Variants in SPAG16 observed in about 807,000 individuals in gnomAD.
SPAG16 encodes the protein sperm-associated antigen 16 protein.
In SPAG16, 86 loss-of-function variants were observed where a neutral mutation model predicts 80.4. That is an observed-to-expected ratio of 1.07 (90% confidence interval 0.90 to 1.28). SPAG16 has a LOEUF of 1.28. Ranked by LOEUF, SPAG16 falls within the 50% of genes most tolerant of loss-of-function variation. The probability of loss-of-function intolerance (pLI) is 0.00; values close to 1 mark genes in which losing one functional copy is unlikely to be tolerated. For synonymous variants in SPAG16, 294 were observed against 265.9 expected, an observed-to-expected ratio of 1.11 and a Z score of -1.03; for missense variants, 870 against 765.3, an observed-to-expected ratio of 1.14 and a Z score of -1.61.
intron 15 of SPAG16, among the ~76,000 whole-genome samples, chr2:214,288,916 C>T (rs1215141647): frequency 6.6e-6 from 1 of 152,066 alleles, no homozygotes; most frequent in Non-Finnish European, 1.5e-5. Flanking sequence ...CTACAGGCAC[C>T]TGCCATCACG....
chr2:213,748,751 A>G (rs947250951), intron 10 of SPAG16, among the ~76,000 whole-genome samples: 1 of 152,232 alleles, frequency 6.6e-6, no homozygotes, highest in Non-Finnish European at 1.5e-5. Flanking sequence ...TTAGATATGT[A>G]ATATAAATAG....
At chr2:214,122,316 A>G (rs1456091215) in intron 14 of SPAG16, among the ~76,000 whole-genome samples, 1 of 151,920 alleles carries the variant, frequency 6.6e-6, no homozygotes, top group African/African-American at 2.4e-5. Context: ...ATGTTATACA[A>G]TAATTAGGCA....
intron 11 of SPAG16, among the ~76,000 whole-genome samples, chr2:213,885,701 G>C (rs1171954269): frequency 6.6e-6 from 1 of 152,180 alleles, no homozygotes; most frequent in African/African-American, 2.4e-5. Context: ...GATAAGGAAG[G>C]AGTATTCCTT....
chr2:213,961,783 A>G (rs1255739900), intron 12 of SPAG16, among the ~76,000 whole-genome samples: 1 of 151,950 alleles, frequency 6.6e-6, no homozygotes, highest in Non-Finnish European at 1.5e-5. Flanking sequence ...TAGTTTGCTA[A>G]TATTTTGTTG....
intron 12 of SPAG16, among the ~76,000 whole-genome samples, chr2:213,966,837 A>T (rs1376434175): frequency 6.6e-6 from 1 of 152,114 alleles, no homozygotes; most frequent in Non-Finnish European, 1.5e-5. Flanking sequence ...ATCTTGATTG[A>T]TACAGTATGT....
At chr2:214,234,785 T>C (rs1479391798) in intron 15 of SPAG16, among the ~76,000 whole-genome samples, 1 of 152,054 alleles carries the variant, frequency 6.6e-6, no homozygotes, top group Non-Finnish European at 1.5e-5. Context: ...AACACTGTGG[T>C]CATGAATAAG....
chr2:214,092,020 T>C (rs2052248766), intron 13 of SPAG16, among the ~76,000 whole-genome samples: 1 of 152,140 alleles, frequency 6.6e-6, no homozygotes, highest in Non-Finnish European at 1.5e-5. Context: ...GCTTTACTTG[T>C]TCAAATGTAT....
In SPAG16 at chr2:214,283,277, A is replaced by G. The variant is rs112281403; in HGVS notation, c.1721-126863A>G. ...TGTGAACCAGTCTTCTTAAAAGTGTAAAGACTTTGGTCTCTTCTTGTTGAT... is the reference window on the plus strand; with the variant it reads ...TGTGAACCAGTCTTCTTAAAAGTGTGAAGACTTTGGTCTCTTCTTGTTGAT... On this transcript the variant is annotated intron_variant, in intron 15 of 15. Coordinates refer to ENST00000331683, the MANE Select transcript of SPAG16 (RefSeq NM_024532.5). Among the ~76,000 whole-genome samples, 269 of 152,218 alleles carry G rather than the reference A, an allele frequency of 1.8e-3. 2 individuals carry two copies. Among genetic ancestry groups the G allele is most frequent in the African/African-American group, 5.8e-3 (241 of 41,532 alleles).
intron 10 of SPAG16, among the ~76,000 whole-genome samples, chr2:213,533,508 A>G (rs779428630): frequency 4.6e-5 from 7 of 152,154 alleles, no homozygotes; most frequent in Non-Finnish European, 8.8e-5. Flanking sequence ...TCCCTGCAAC[A>G]TTTGACATCC....
In SPAG16 at chr2:214,014,042, G is replaced by T; in HGVS notation, c.1492G>T (p.Ala498Ser). Residue 498 changes from alanine to serine, a missense_variant, in exon 13 of 16, where the codon GCA becomes TCA. Coordinates refer to ENST00000331683, the MANE Select transcript of SPAG16 (RefSeq NM_024532.5). ...CTCCAATACTCTTCTCACAAGCTCT[G>T]CAGACAAGACCCTGTCTATATGGGA... ...PFSNTLLTSS[A>S]DKTLSIWDAR... is the part of the protein sequence containing the mutation. 3 of 1,613,436 alleles carry T rather than the reference G, an allele frequency of 1.9e-6. No individual in the cohort carries two copies. The highest frequency in any genetic ancestry group is 1.7e-6 in the Non-Finnish European group (2 of 1,179,742).
intron 10 of SPAG16, among the ~76,000 whole-genome samples, chr2:213,727,724 C>T (rs947310164): frequency 1.3e-5 from 2 of 152,148 alleles, no homozygotes; most frequent in South Asian, 4.1e-4. Flanking sequence ...TAAGGGATAC[C>T]TCTAAGGATG....
intron 10 of SPAG16, among the ~76,000 whole-genome samples, chr2:213,766,872 AC>A (rs1381199619): frequency 1.3e-5 from 2 of 152,172 alleles, no homozygotes; most frequent in Non-Finnish European, 2.9e-5. Flanking sequence ...TCCTTTCAAC[AC>A]TGTGATTTAT....
intron 7 of SPAG16, among the ~76,000 whole-genome samples, chr2:213,357,633 T>G (rs2065737067): frequency 6.6e-6 from 1 of 152,202 alleles, no homozygotes; most frequent in Non-Finnish European, 1.5e-5. Context: ...ATCCCTTTAT[T>G]TTGAGCCTAT....
chr2:214,409,981 T>G (rs972344772), intron 15 of SPAG16, among the ~76,000 whole-genome samples, 159 bp from the exon 16 acceptor site: 4 of 152,232 alleles, frequency 2.6e-5, no homozygotes, highest in Non-Finnish European at 5.9e-5. Context: ...TGACTCAACT[T>G]ATTTCTTATA....
At chr2:214,261,866 A>G (rs1416417614) in intron 15 of SPAG16, among the ~76,000 whole-genome samples, 1 of 152,154 alleles carries the variant, frequency 6.6e-6, no homozygotes, top group East Asian at 1.9e-4. Flanking sequence ...ATTTTGATGC[A>G]AATGTCAACC....
intron 12 of SPAG16, among the ~76,000 whole-genome samples, chr2:213,993,189 C>T (rs541356037): frequency 6.6e-4 from 100 of 152,270 alleles, no homozygotes; most frequent in African/African-American, 2.1e-3. Context: ...TGACACCCAA[C>T]GGGCAGAATA....
intron 15 of SPAG16, among the ~76,000 whole-genome samples, chr2:214,317,627 G>A (rs1357962706): frequency 1.3e-5 from 2 of 152,232 alleles, no homozygotes; most frequent in African/African-American, 4.8e-5. Flanking sequence ...GGTGGTGAAA[G>A]TCCAGAGTTA....
chr2:213,890,167 T>G (rs1356497126), intron 11 of SPAG16, among the ~76,000 whole-genome samples: 1 of 152,056 alleles, frequency 6.6e-6, no homozygotes, highest in African/African-American at 2.4e-5. Context: ...TCAAGTTCAG[T>G]GAGAAGGACA....
At chr2:213,676,249 C>G (rs1248016009) in intron 10 of SPAG16, among the ~76,000 whole-genome samples, 1 of 152,158 alleles carries the variant, frequency 6.6e-6, no homozygotes, top group Non-Finnish European at 1.5e-5. Flanking sequence ...TGAGACTTTG[C>G]TAAAGTTGCT....
Sources: allele counts gnomAD v4.1 joint callset (sites outside exome capture counted in the v4.1 genomes callset), GRCh38; gene constraint gnomAD v4.1.1; transcripts MANE v1.5; gene names NCBI Gene and HGNC (gene_info 2026-07-23, HGNC 2026-07-21).